Variants in CRTC3 observed in about 807,000 individuals in gnomAD.
CRTC3 encodes the protein CREB-regulated transcription coactivator 3.
CRTC3 carries 26 observed loss-of-function variants against 74.5 expected under a neutral mutation model. That is an observed-to-expected ratio of 0.35 (90% CI 0.26 to 0.48). The LOEUF is 0.48. Among genes scored for constraint, CRTC3 ranks in the 20% least tolerant of loss-of-function variants. The pLI, the probability that CRTC3 is intolerant of heterozygous loss-of-function variation, is 0.99. For synonymous variants in CRTC3, 377 were observed against 325.8 expected (o/e 1.16, Z -1.69); for missense variants, 760 against 787.3 (o/e 0.97, Z 0.41).
rs1014254002 is a variant in CRTC3 at position 90,530,195 on chromosome 15, C to T, written c.124C>T (p.Leu42=). The change falls in exon 1 of 15, where the codon CTG becomes TTG. Residue 42 remains leucine, a synonymous_variant. Coordinates refer to ENST00000268184, the MANE Select transcript of CRTC3 (RefSeq NM_022769.5). This position sits in a 1 kb window ranked among gnomAD's most constrained non-coding sequence, Gnocchi z 6.2. ...AFEQLMTDLT[L]SRVQFQKLQQ... ...CGAGCAGCTCATGACCGACCTCACC[C>T]TGTCGCGGGTGAGGGCCCGGGCCGG... The T allele has an allele frequency of 2.3e-6, 3 of 1,277,416 alleles. No individual in the cohort carries two copies. In the African/African-American group the frequency reaches 4.7e-5, roughly 20 times the overall value. 79.1% of individuals were successfully genotyped at this position (1,277,416 alleles called of 1,614,324 possible). A position where few individuals can be genotyped will look rare whatever the true frequency, so the allele number is the denominator to read the frequency against.
chr15:90,618,171 C>A, intron 8 of CRTC3: 3 of 283,418 alleles, frequency 1.1e-5, no homozygotes, highest in Non-Finnish European at 1.3e-5. Context: ...ACATTGATCT[C>A]TTGGCTTACT....
chr15:90,641,218 AGCTTCTTT>A lies in CRTC3; in HGVS notation c.1651+20_1651+27del, dbSNP rs1430447005. 6.7e-7 allele frequency: 1 copy of A among 1,497,638 alleles called. No individual in the cohort carries two copies. 92.8% of individuals were successfully genotyped at this position (1,497,638 alleles called of 1,614,324 possible). On this transcript the variant is annotated intron_variant, in intron 14 of 14. Coordinates refer to ENST00000268184, the MANE Select transcript of CRTC3 (RefSeq NM_022769.5). ...CTGCCAGGTGAGCGAGCTATCCCTC[AGCTTCTTT>A]ACTGCTTTTATGTTGTTGTGTGTTC...
chr15:90,545,378 T>A (rs1966842433), intron 2 of CRTC3, among the ~76,000 whole-genome samples: 1 of 151,364 alleles, frequency 6.6e-6, no homozygotes, highest in Non-Finnish European at 1.5e-5. Context: ...GATTGCTGAA[T>A]CATATGACAA....
chr15:90,542,550 GT>G (rs2151057380), intron 2 of CRTC3, among the ~76,000 whole-genome samples: 1 of 152,154 alleles, frequency 6.6e-6, no homozygotes, highest in East Asian at 1.9e-4. Context: ...ATTTCACTGT[GT>G]TTTTCCTACA....
intron 4 of CRTC3, among the ~76,000 whole-genome samples, chr15:90,602,593 C>A (rs777731643): frequency 2.0e-5 from 3 of 152,142 alleles, no homozygotes; most frequent in Non-Finnish European, 4.4e-5. Context: ...TGAATAGCTA[C>A]TGCACTCCAG....
At chr15:90,580,923 A>G (rs1030209113) in intron 2 of CRTC3, among the ~76,000 whole-genome samples, 1 of 152,114 alleles carries the variant, frequency 6.6e-6, no homozygotes, top group African/African-American at 2.4e-5. Flanking sequence ...AAAAAAATTT[A>G]TTTTTGTATT....
At position 90,642,350 on chromosome 15, in the gene CRTC3, A is replaced by T. The variant is rs1969480617; in HGVS notation, c.*210A>T. ...GTACTGCCTCTCCCGCCTGTGGCCA[A>T]AGTCGTGTTGCAGCAGGCAGGCTGC... On this transcript the variant is annotated 3_prime_UTR_variant, in exon 15 of 15. Transcript: ENST00000268184. 6 of 574,988 alleles carry T rather than the reference A, an allele frequency of 1.0e-5. No homozygotes were observed. Among genetic ancestry groups the T allele is most frequent in the Middle Eastern group, 4.7e-4 (1 of 2,130 alleles). 35.6% of individuals were successfully genotyped at this position (574,988 alleles called of 1,614,324 possible).
rs1040488973 is a variant in CRTC3, at chr15:90,643,590, C to T, written c.*1450C>T. On this transcript the variant is annotated 3_prime_UTR_variant, in exon 15 of 15. Transcript: ENST00000268184. The stretch of plus-strand genomic sequence containing the variant: ...GTTGAAAAAATAGTTTATAGTAAAA[C>T]GAAGGCCTAATTCATGGAAGCATCA... 2 of 229,980 alleles carry T rather than the reference C, an allele frequency of 8.7e-6. No individual in the cohort carries two copies. The highest frequency in any genetic ancestry group is 4.5e-5 in the African/African-American group (2 of 44,772). The allele number at this position is 229,980 out of a possible 1,614,324, so 14.2% of individuals were successfully genotyped here. A position where few individuals can be genotyped will look rare whatever the true frequency, so the allele number is the denominator to read the frequency against.
At position 90,534,894 on chromosome 15, in the gene CRTC3, T is replaced by C. The variant is rs149648306; in HGVS notation, c.132+4691T>C. On this transcript the variant is annotated intron_variant, in intron 1 of 14. Coordinates refer to ENST00000268184, the MANE Select transcript of CRTC3 (RefSeq NM_022769.5). ...GAACTGTGAGGCCAGGCGCGGTGGC[T>C]CACGCCTGTAATCCCAGCACTTTGG... is the stretch of plus-strand genomic sequence containing the variant. 5.3e-3 allele frequency among the ~76,000 whole-genome samples: 806 copies of C among 152,252 alleles called. 12 individuals are homozygous for C. The highest frequency in any genetic ancestry group is 0.019 in the African/African-American group (781 of 41,564).
intron 2 of CRTC3, among the ~76,000 whole-genome samples, chr15:90,567,682 C>T (rs985015770): frequency 2.1e-5 from 1 of 48,000 alleles, no homozygotes; most frequent in Non-Finnish European, 6.2e-5. Flanking sequence ...GAGTGAAACT[C>T]CGTCTCAAAA....
chr15:90,623,766 A>G (rs1446866561), intron 9 of CRTC3, among the ~76,000 whole-genome samples: 1 of 151,936 alleles, frequency 6.6e-6, no homozygotes, highest in Non-Finnish European at 1.5e-5. Flanking sequence ...CATCAGTCCC[A>G]GCCTCGGGTG....
intron 2 of CRTC3, among the ~76,000 whole-genome samples, chr15:90,562,823 C>T (rs1329631421): frequency 1.3e-5 from 2 of 151,874 alleles, no homozygotes; most frequent in Non-Finnish European, 1.5e-5. Context: ...TCAGTTGACA[C>T]TGGAGGGGGC....
chr15:90,557,073 T>C (rs1255239034), intron 2 of CRTC3, among the ~76,000 whole-genome samples: 1 of 151,630 alleles, frequency 6.6e-6, no homozygotes, highest in Non-Finnish European at 1.5e-5. Flanking sequence ...GTTTGCCCCT[T>C]ACTTGCTTTA....
Position 90,617,935 on chromosome 15 carries a change from G to A in CRTC3, c.666G>A (p.Lys222=). ...LKEENLLNVP[K]PLPKQLWETK... ...AAGAGAATCTGTTAAATGTTCCGAAGCCACTGCCAAAACAACTGTGGGAGA... is the reference window on the plus strand; with the variant it reads ...AAGAGAATCTGTTAAATGTTCCGAAACCACTGCCAAAACAACTGTGGGAGA... Residue 222 remains lysine (K), a synonymous_variant, in exon 8 of 15, where the codon AAG becomes AAA. Coordinates refer to ENST00000268184, the MANE Select transcript of CRTC3 (RefSeq NM_022769.5). 6.2e-7 allele frequency: 1 copy of A among 1,612,928 alleles called. No individual in the cohort carries two copies. Among genetic ancestry groups the A allele is most frequent in the African/African-American group, 1.3e-5 (1 of 74,898 alleles).
At chr15:90,563,552 C>A (rs1487758842) in intron 2 of CRTC3, among the ~76,000 whole-genome samples, 1 of 152,210 alleles carries the variant, frequency 6.6e-6, no homozygotes, top group Non-Finnish European at 1.5e-5. Context: ...GACCGAGCTT[C>A]TGCTAAGAGC....
At chr15:90,531,864 A>G (rs906172452) in intron 1 of CRTC3, among the ~76,000 whole-genome samples, 13 of 152,284 alleles carry the variant, frequency 8.5e-5, no homozygotes, top group African/African-American at 3.1e-4. Context: ...AATCTTCTTT[A>G]AAATATCCCT....
intron 2 of CRTC3, among the ~76,000 whole-genome samples, chr15:90,573,146 A>G (rs956769188): frequency 5.9e-5 from 9 of 152,202 alleles, no homozygotes; most frequent in Non-Finnish European, 1.2e-4. Flanking sequence ...AAGTTAAATT[A>G]CACACTATTT....
At chr15:90,553,127 C>T (rs1172087702) in intron 2 of CRTC3, among the ~76,000 whole-genome samples, 1 of 152,200 alleles carries the variant, frequency 6.6e-6, no homozygotes, top group African/African-American at 2.4e-5. Flanking sequence ...TCACTGATTA[C>T]TAATATCATC....
intron 10 of CRTC3, among the ~76,000 whole-genome samples, chr15:90,627,925 T>C (rs1968898430): frequency 6.9e-6 from 1 of 144,782 alleles, no homozygotes; most frequent in South Asian, 2.4e-4. Context: ...AAATTATTTT[T>C]AAGAATTTTA....
Sources: gnomAD v4.1 joint callset for allele counts (sites outside exome capture counted in the v4.1 genomes callset) on GRCh38, gnomAD v4.1.1 for gene constraint, Gnocchi (gnomAD v3.1) non-coding constraint, MANE v1.5 for transcripts, NCBI Gene and HGNC (gene_info 2026-07-23, HGNC 2026-07-21) for gene names.